The following CSMD1 variants were observed in gnomAD, a reference collection of about 807,000 sequenced individuals.
The protein encoded by CSMD1 is CUB and sushi domain-containing protein 1.
In CSMD1, 213 loss-of-function variants were observed where a neutral mutation model predicts 417.5. The ratio of observed to expected loss-of-function variants is 0.51; its 90% CI spans 0.46 to 0.57. CSMD1 has a LOEUF of 0.57. Among genes scored for constraint, CSMD1 ranks in the 20% least tolerant of loss-of-function variants. CSMD1 has a pLI of 0.00. For missense variants in CSMD1, 6,923 were observed against 4,529.7 expected (o/e 1.53, Z -15.17); for synonymous variants, 2,862 against 1,736.8 (o/e 1.65, Z -16.11).
intron 3 of CSMD1, among the ~76,000 whole-genome samples, chr8:4,119,683 T>C (rs759696080): frequency 6.6e-6 from 1 of 152,016 alleles, no homozygotes; most frequent in Non-Finnish European, 1.5e-5. Flanking sequence ...AGGAAGAGAG[T>C]CCTCCCAGAA....
At chr8:3,518,320 C>A (rs1001689714) in intron 10 of CSMD1, among the ~76,000 whole-genome samples, 2 of 152,180 alleles carry the variant, frequency 1.3e-5, no homozygotes, top group Non-Finnish European at 1.5e-5. Context: ...ACGCAAATTC[C>A]TCTGGAGCTT....
intron 3 of CSMD1, among the ~76,000 whole-genome samples, chr8:4,269,677 T>G (rs1804449681): frequency 6.6e-6 from 1 of 152,228 alleles, no homozygotes; most frequent in Admixed American, 6.5e-5. Context: ...AAATAAAATT[T>G]TTTGTTTCTT....
At chr8:3,941,483 A>C (rs904046460) in intron 5 of CSMD1, among the ~76,000 whole-genome samples, 1 of 152,150 alleles carries the variant, frequency 6.6e-6, no homozygotes, top group African/African-American at 2.4e-5. Context: ...ATGCATCCTC[A>C]AGGTATCTGA....
intron 1 of CSMD1, among the ~76,000 whole-genome samples, chr8:4,751,154 G>A (rs1811300642): frequency 6.6e-6 from 1 of 152,230 alleles, no homozygotes; most frequent in South Asian, 2.1e-4. Flanking sequence ...GGAGGCCGAG[G>A]TGGGTGGATC....
chr8:4,717,442 T>C (rs1013836226), intron 1 of CSMD1, among the ~76,000 whole-genome samples: 1 of 150,584 alleles, frequency 6.6e-6, no homozygotes, highest in Non-Finnish European at 1.5e-5. Context: ...ATACACTATA[T>C]ATATACACAC....
At chr8:3,215,096 T>A (rs1797809044) in intron 29 of CSMD1, among the ~76,000 whole-genome samples, 1 of 152,158 alleles carries the variant, frequency 6.6e-6, no homozygotes, top group Admixed American at 6.5e-5. Flanking sequence ...CATATTAACA[T>A]AAAATCATTC....
At chr8:3,315,264 G>C (rs538780545) in intron 23 of CSMD1, among the ~76,000 whole-genome samples, 2 of 152,148 alleles carry the variant, frequency 1.3e-5, no homozygotes, top group South Asian at 4.1e-4. Flanking sequence ...CATCTGAATA[G>C]GAAGGGAGTT....
At position 4,788,440 on chromosome 8, in the gene CSMD1, A is replaced by G; in HGVS notation, c.86-150882T>C. 6 of 1,327,438 alleles carry G rather than the reference A, an allele frequency of 4.5e-6. No homozygotes were observed. In the South Asian group the frequency reaches 4.7e-5, roughly 11 times the overall value. The allele number at this position is 1,327,438 out of a possible 1,614,324, so 82.2% of individuals were successfully genotyped here. On this transcript the variant is annotated intron_variant, in intron 1 of 69. Coordinates refer to ENST00000635120, the MANE Select transcript of CSMD1 (RefSeq NM_033225.6). ...CCCAGGGTCTTGGCTGTTCAACCAC[A>G]CTTTCTCCAGAAGGATCAGCTCAAT...
chr8:4,812,552 A>G (rs974909375), intron 1 of CSMD1, among the ~76,000 whole-genome samples: 7 of 152,210 alleles, frequency 4.6e-5, no homozygotes, highest in Admixed American at 2.6e-4. Context: ...TATCACATAT[A>G]CCACATGAAT....
At chr8:3,738,412 G>A (rs2720826) in intron 6 of CSMD1, among the ~76,000 whole-genome samples, 141,976 of 152,258 alleles carry the variant, frequency 0.93, 67,023 homozygotes, top group Non-Finnish European at 1. Flanking sequence ...CATGGTGGTT[G>A]TCACACCTTT....
intron 54 of CSMD1, among the ~76,000 whole-genome samples, chr8:2,993,505 A>G (rs1806593429): frequency 6.6e-6 from 1 of 152,204 alleles, no homozygotes; most frequent in South Asian, 2.1e-4. Flanking sequence ...CGTCTCCCAG[A>G]TGCCAACTGG....
chr8:3,567,439 A>C (rs941223752), intron 10 of CSMD1, among the ~76,000 whole-genome samples: 1 of 151,844 alleles, frequency 6.6e-6, no homozygotes, highest in African/African-American at 2.4e-5. Flanking sequence ...AAATAAAATA[A>C]AAATAAAAAT....
chr8:4,595,237 G>A (rs1218346357), intron 2 of CSMD1, among the ~76,000 whole-genome samples: 3 of 151,902 alleles, frequency 2.0e-5, no homozygotes, highest in Non-Finnish European at 4.4e-5. Flanking sequence ...GGCTTGAGTT[G>A]GCTATAACTC....
At position 4,023,772 on chromosome 8, in the gene CSMD1, TTTTTTTTTTTTTG is replaced by T. The variant is rs1289745826; in HGVS notation, c.610+8120_610+8132del. ...CGGCTAATTTTTTTTTTTTTTTTTT[TTTTTTTTTTTTTG>T]TGTGTGTATTTTTAGTAGAGACGGG... On this transcript the variant is annotated intron_variant, in intron 4 of 69. Coordinates refer to ENST00000635120, the MANE Select transcript of CSMD1 (RefSeq NM_033225.6). Among the ~76,000 whole-genome samples, 12 of 118,388 alleles carry T rather than the reference TTTTTTTTTTTTTG, an allele frequency of 1.0e-4. 1 individual carries two copies. Among genetic ancestry groups the T allele is most frequent in the East Asian group, 6.9e-4 (2 of 2,882 alleles). The allele number at this position is 118,388 out of a possible 152,430, so 77.7% of individuals were successfully genotyped here.
chr8:4,717,947 G>C (rs554404884), intron 1 of CSMD1, among the ~76,000 whole-genome samples: 39 of 152,102 alleles, frequency 2.6e-4, no homozygotes, highest in Non-Finnish European at 4.9e-4. Context: ...GCAAACAATA[G>C]TAAAGTTTAT....
chr8:4,869,204 T>A (rs1489092929), intron 1 of CSMD1, among the ~76,000 whole-genome samples: 1 of 151,922 alleles, frequency 6.6e-6, no homozygotes, highest in Admixed American at 6.6e-5. Flanking sequence ...CTGCTATAAT[T>A]TAGAACTGTA....
intron 1 of CSMD1, among the ~76,000 whole-genome samples, chr8:4,703,961 A>T (rs146940602): frequency 0.011 from 1,633 of 152,248 alleles, 29 homozygotes; most frequent in African/African-American, 0.036. Context: ...TAGATCCCTC[A>T]CACATGCAGT....
rs148463995 is a variant in CSMD1 at position 4,604,410 on chromosome 8, T to TGCGCGC, written c.302+32931_302+32932insGCGCGC. Reference sequence around the variant, plus strand: ...GTGTGTGTGTGTGTGTGTGTGTGTGTGCGCGTGCGTAAAGACTAGGATCTC... The same window carrying TGCGCGC: ...GTGTGTGTGTGTGTGTGTGTGTGTGTGCGCGCGCGCGTGCGTAAAGACTAGGATCTC... On this transcript the variant is annotated intron_variant, in intron 2 of 69. Transcript: ENST00000635120. Among the ~76,000 whole-genome samples, 986 of 146,142 alleles carry TGCGCGC rather than the reference T, an allele frequency of 6.7e-3. 6 individuals are homozygous for TGCGCGC. Among genetic ancestry groups the TGCGCGC allele is most frequent in the Middle Eastern group, 0.018 (5 of 276 alleles).
intron 3 of CSMD1, among the ~76,000 whole-genome samples, chr8:4,354,555 A>G (rs2128903405): frequency 6.6e-6 from 1 of 152,284 alleles, no homozygotes; most frequent in East Asian, 1.9e-4. Flanking sequence ...CTGCATTAGC[A>G]CTAAACATAG....
Sources: allele counts gnomAD v4.1 joint callset (sites outside exome capture counted in the v4.1 genomes callset), GRCh38; gene constraint gnomAD v4.1.1; transcripts MANE v1.5; gene names NCBI Gene and HGNC (gene_info 2026-07-23, HGNC 2026-07-21).